Variants in TMEM108 observed in about 807,000 individuals in gnomAD.
TMEM108 encodes transmembrane protein 108.
TMEM108 carries 12 observed loss-of-function variants against 35.1 expected under a neutral mutation model. The observed-to-expected ratio is 0.34, with a 90% CI of 0.22 to 0.55. The LOEUF is 0.55. TMEM108 is among the 20% of genes least tolerant of loss of function. The pLI is 0.89. For synonymous variants in TMEM108, 287 were observed against 308.6 expected, an observed-to-expected ratio of 0.93 and a Z score of 0.73; for missense variants, 680 against 753.3, an observed-to-expected ratio of 0.90 and a Z score of 1.14.
At chr3:133,308,413 G>A (rs2071075420) in intron 3 of TMEM108, among the ~76,000 whole-genome samples, 1 of 152,156 alleles carries the variant, frequency 6.6e-6, no homozygotes, top group Non-Finnish European at 1.5e-5. Flanking sequence ...TAGGAGTGGT[G>A]AGAGAGGGCA....
intron 3 of TMEM108, among the ~76,000 whole-genome samples, chr3:133,310,434 T>C (rs2107711085): frequency 6.6e-6 from 1 of 152,194 alleles, no homozygotes; most frequent in East Asian, 1.9e-4. Context: ...TCTTGTTGAA[T>C]TGATCCCTTT....
chr3:133,191,417 A>T (rs562888978), intron 2 of TMEM108, among the ~76,000 whole-genome samples: 1 of 152,168 alleles, frequency 6.6e-6, no homozygotes, highest in Admixed American at 6.5e-5. Context: ...GAAAGTCACT[A>T]TATCTGGCAG....
At chr3:133,161,327 C>A (rs547207744) in intron 2 of TMEM108, among the ~76,000 whole-genome samples, 1 of 152,190 alleles carries the variant, frequency 6.6e-6, no homozygotes, top group Non-Finnish European at 1.5e-5. Flanking sequence ...GGCATTCTTT[C>A]ATCACTCAGT....
chr3:133,244,086 A>G (rs887982472), intron 3 of TMEM108, among the ~76,000 whole-genome samples: 1 of 152,200 alleles, frequency 6.6e-6, no homozygotes, highest in South Asian at 2.1e-4. Flanking sequence ...CGGGTGACAG[A>G]GTATTATAAT....
intron 2 of TMEM108, among the ~76,000 whole-genome samples, chr3:133,061,318 T>C (rs1269981017): frequency 6.6e-6 from 1 of 151,454 alleles, no homozygotes; most frequent in African/African-American, 2.4e-5. Context: ...TTCACGCCAT[T>C]CTCCACCTCA....
chr3:133,251,791 C>T (rs1488523898), intron 3 of TMEM108, among the ~76,000 whole-genome samples: 1 of 152,134 alleles, frequency 6.6e-6, no homozygotes. Context: ...AGCAAATCTA[C>T]ACTGTGGGAA....
At chr3:133,393,372 G>C (rs1467464904) in intron 5 of TMEM108, among the ~76,000 whole-genome samples, 2 of 152,202 alleles carry the variant, frequency 1.3e-5, no homozygotes, top group East Asian at 3.8e-4. Context: ...TTTGTGGTCT[G>C]GCTGTCCTGC....
chr3:133,293,719 A>G (rs556406401), intron 3 of TMEM108, among the ~76,000 whole-genome samples: 110 of 151,904 alleles, frequency 7.2e-4, no homozygotes, highest in African/African-American at 2.6e-3. Flanking sequence ...CTTTTTCTCC[A>G]CTTACATGAA....
At chr3:133,394,493 C>G (rs190330090) in intron 5 of TMEM108, among the ~76,000 whole-genome samples, 5 of 151,936 alleles carry the variant, frequency 3.3e-5, no homozygotes, top group Admixed American at 3.3e-4. Context: ...TTTTCTTCTC[C>G]TTTGCTTTGG....
At chr3:133,114,025 G>C (rs1944257332) in intron 2 of TMEM108, among the ~76,000 whole-genome samples, 1 of 152,192 alleles carries the variant, frequency 6.6e-6, no homozygotes, top group African/African-American at 2.4e-5. Flanking sequence ...TGCATTTGCA[G>C]GGAAGCCATG....
chr3:133,177,987 G>A (rs1945264213), intron 2 of TMEM108, among the ~76,000 whole-genome samples: 1 of 152,138 alleles, frequency 6.6e-6, no homozygotes, highest in African/African-American at 2.4e-5. Context: ...AAATCAATGT[G>A]CAAAAATCAC....
chr3:133,296,556 A>G (rs114747103), intron 3 of TMEM108, among the ~76,000 whole-genome samples: 175 of 152,138 alleles, frequency 1.2e-3, no homozygotes, highest in Non-Finnish European at 2.4e-3. Flanking sequence ...AACACACACT[A>G]ATAAAAAGCA....
At chr3:133,242,243 G>T (rs1308969746) in intron 3 of TMEM108, among the ~76,000 whole-genome samples, 2 of 152,134 alleles carry the variant, frequency 1.3e-5, no homozygotes, top group Non-Finnish European at 1.5e-5. Flanking sequence ...TATGTCCTTT[G>T]GGAGACCACC....
chr3:133,199,056 C>T (rs1377118788), intron 2 of TMEM108, among the ~76,000 whole-genome samples: 1 of 152,114 alleles, frequency 6.6e-6, no homozygotes, highest in Non-Finnish European at 1.5e-5. Context: ...ATCACTGATA[C>T]CCTTTCTTCC....
chr3:133,272,371 G>A lies in TMEM108; in HGVS notation c.40+43020G>A, dbSNP rs549887868. ...ATAGACTTCTAGGAACTTCCTTGAT[G>A]TACAGAAATCTCATAGACCCTATGG... On this transcript the variant is annotated intron_variant, in intron 3 of 5. Transcript: ENST00000321871. Among the ~76,000 whole-genome samples, 54 of 151,436 alleles carry A rather than the reference G, an allele frequency of 3.6e-4. 1 individual carries two copies. The Middle Eastern group carries it at 0.021, about 58-fold the overall frequency.
rs143499367 is a variant in TMEM108, at chr3:133,136,462, T to C, written c.-47+90442T>C. On this transcript the variant is annotated intron_variant, in intron 2 of 5. Transcript: ENST00000321871. ...AGATTCTCCCCTGGAGATTGCTTCC[T>C]GGCCTGTAAGCCCAGACTAGGGCTT... 7.9e-5 allele frequency among the ~76,000 whole-genome samples: 12 copies of C among 152,374 alleles called. No individual in the cohort carries two copies. The East Asian group carries it at 2.3e-3, about 29-fold the overall frequency.
intron 3 of TMEM108, among the ~76,000 whole-genome samples, chr3:133,361,837 T>G (rs758817742): frequency 6.6e-6 from 1 of 152,168 alleles, no homozygotes; most frequent in Non-Finnish European, 1.5e-5. Context: ...GAGGAGGGAA[T>G]GCAGACACCA....
intron 2 of TMEM108, among the ~76,000 whole-genome samples, chr3:133,204,163 T>A (rs1317845164): frequency 6.6e-6 from 1 of 152,188 alleles, no homozygotes; most frequent in Non-Finnish European, 1.5e-5. Context: ...CATTTTTTAT[T>A]GTACCTATTT....
intron 2 of TMEM108, among the ~76,000 whole-genome samples, chr3:133,160,550 C>A (rs1191249615): frequency 6.6e-6 from 1 of 152,214 alleles, no homozygotes; most frequent in Admixed American, 6.5e-5. Flanking sequence ...AGGTTTATTG[C>A]AATAGGGCAT....
Sources: allele counts gnomAD v4.1 joint callset (sites outside exome capture counted in the v4.1 genomes callset), GRCh38; gene constraint gnomAD v4.1.1; transcripts MANE v1.5; gene names NCBI Gene and HGNC (gene_info 2026-07-23, HGNC 2026-07-21).